The following SPHKAP variants were observed in gnomAD, a reference collection of about 807,000 sequenced individuals.
SPHKAP encodes A-kinase anchor protein SPHKAP.
Under a neutral mutation model 137.5 loss-of-function variants are expected in SPHKAP, and 67 were observed. The observed-to-expected ratio is 0.49, with a 90% CI of 0.40 to 0.60. SPHKAP has a LOEUF of 0.60. SPHKAP is among the 20% of genes least tolerant of loss of function. The pLI, the probability that SPHKAP is intolerant of heterozygous loss-of-function variation, is 0.00. For synonymous variants in SPHKAP, 813 were observed against 785.3 expected, an observed-to-expected ratio of 1.04 and a Z score of -0.59; for missense variants, 2,097 against 2,069.3, an observed-to-expected ratio of 1.01 and a Z score of -0.26.
intron 5 of SPHKAP, among the ~76,000 whole-genome samples, chr2:228,022,564 C>G (rs952085020): frequency 2.0e-5 from 3 of 151,974 alleles, no homozygotes; most frequent in Admixed American, 2.0e-4. Context: ...TTCAAAGAGA[C>G]AGCTCCCAGG....
At chr2:228,071,331 AT>A (rs764800457) in intron 3 of SPHKAP, among the ~76,000 whole-genome samples, 1 of 152,124 alleles carries the variant, frequency 6.6e-6, no homozygotes, top group African/African-American at 2.4e-5. Context: ...TCATGCAAAT[AT>A]TTTTTGTCAA....
chr2:228,086,117 C>T (rs1196149774), intron 3 of SPHKAP, among the ~76,000 whole-genome samples: 1 of 151,808 alleles, frequency 6.6e-6, no homozygotes, highest in African/African-American at 2.4e-5. Flanking sequence ...TCTGGAGTGA[C>T]AGTATGAAGA....
At chr2:228,119,473 T>TACACACACACACACACACACACA (rs1698839856) in intron 2 of SPHKAP, among the ~76,000 whole-genome samples, 1 of 141,900 alleles carries the variant, frequency 7.0e-6, no homozygotes, top group East Asian at 2.1e-4. Flanking sequence ...ACACACACAC[T>TACACACACACACACACACACACA]CTCTCTCTCT....
chr2:228,035,107 G>A (rs13397092), intron 3 of SPHKAP, among the ~76,000 whole-genome samples: 1 of 144,882 alleles, frequency 6.9e-6, no homozygotes, highest in African/African-American at 2.6e-5. Context: ...GTTTGCAGAT[G>A]ACATGATTGT....
intron 2 of SPHKAP, among the ~76,000 whole-genome samples, chr2:228,116,445 C>A (rs976293955): frequency 3.3e-5 from 5 of 152,162 alleles, no homozygotes; most frequent in Admixed American, 3.3e-4. Flanking sequence ...AGTGAGGAAT[C>A]TTTTGCAGAC....
chr2:228,016,389 T>G lies in SPHKAP; in HGVS notation c.4448+17A>C. ...CCAGTCACATGCACCCTATGTAGTC[T>G]GAGACGATTCACTCACCTATGGATT... On this transcript the variant is annotated intron_variant, in intron 7 of 11. Coordinates refer to ENST00000392056, the MANE Select transcript of SPHKAP (RefSeq NM_001142644.2). The G allele has an allele frequency of 2.6e-6, 4 of 1,561,866 alleles. No individual in the cohort carries two copies. Among genetic ancestry groups the G allele is most frequent in the Non-Finnish European group, 2.6e-6 (3 of 1,159,260 alleles).
intron 3 of SPHKAP, among the ~76,000 whole-genome samples, chr2:228,087,972 A>G (rs1697591359): frequency 6.6e-6 from 1 of 152,328 alleles, no homozygotes; most frequent in Non-Finnish European, 1.5e-5. Context: ...AAGAATATGC[A>G]TAAGTTGTAT....
intron 3 of SPHKAP, among the ~76,000 whole-genome samples, chr2:228,061,521 C>T (rs1696632204): frequency 6.6e-6 from 1 of 152,094 alleles, no homozygotes; most frequent in Non-Finnish European, 1.5e-5. Flanking sequence ...ATCTGCCTGT[C>T]TTGGCCTCCC....
chr2:228,134,261 G>T (rs558782746), intron 1 of SPHKAP, among the ~76,000 whole-genome samples: 84 of 151,092 alleles, frequency 5.6e-4, no homozygotes, highest in African/African-American at 2.0e-3. Context: ...AGGAAGGAAA[G>T]AAATAAAGAA....
At chr2:228,158,365 C>T (rs1442212992) in intron 1 of SPHKAP, among the ~76,000 whole-genome samples, 3 of 127,514 alleles carry the variant, frequency 2.4e-5, no homozygotes, top group Non-Finnish European at 4.8e-5. Context: ...TGTGATTTTA[C>T]CCCTTACAAT....
chr2:228,043,791 A>T (rs568785039), intron 3 of SPHKAP, among the ~76,000 whole-genome samples: 68 of 152,016 alleles, frequency 4.5e-4, no homozygotes, highest in African/African-American at 1.6e-3. Flanking sequence ...GTAGAATTTT[A>T]TGTTTTAACT....
chr2:228,119,119 G>A (rs898362869), intron 2 of SPHKAP, among the ~76,000 whole-genome samples: 3 of 152,110 alleles, frequency 2.0e-5, no homozygotes, highest in African/African-American at 7.2e-5. Flanking sequence ...CACTCCCATC[G>A]GAGGGCAGAG....
At chr2:228,073,473 C>A (rs1697068505) in intron 3 of SPHKAP, among the ~76,000 whole-genome samples, 1 of 152,160 alleles carries the variant, frequency 6.6e-6, no homozygotes, top group African/African-American at 2.4e-5. Flanking sequence ...ATGGAGGAAT[C>A]TTTCCACCTC....
intron 1 of SPHKAP, among the ~76,000 whole-genome samples, chr2:228,133,306 CAAATAAATAAATAAATAAAT>C (rs61240096): frequency 0.35 from 51,660 of 148,370 alleles, 9,142 homozygotes; most frequent in East Asian, 0.51. Context: ...GACTCCATCT[CAAATAAATAAATAAATAAAT>C]AAATAAATAA....
intron 3 of SPHKAP, among the ~76,000 whole-genome samples, chr2:228,033,676 T>A (rs1357272015): frequency 6.6e-6 from 1 of 152,120 alleles, no homozygotes; most frequent in African/African-American, 2.4e-5. Flanking sequence ...TATAACAAAC[T>A]TTCTCTCAGA....
chr2:228,086,276 A>G (rs959941300), intron 3 of SPHKAP, among the ~76,000 whole-genome samples: 1 of 152,184 alleles, frequency 6.6e-6, no homozygotes, highest in African/African-American at 2.4e-5. Flanking sequence ...ACTCCGCTAG[A>G]AGAGATAGTC....
intron 8 of SPHKAP, 42 bp from the exon 9 acceptor site, chr2:227,993,662 C>T (rs1693508520): frequency 6.7e-7 from 1 of 1,485,062 alleles, no homozygotes; most frequent in Non-Finnish European, 9.2e-7. Context: ...CGTCTCCACC[C>T]TCTAACATGC....
chr2:228,174,071 C>A (rs953823685), intron 1 of SPHKAP, among the ~76,000 whole-genome samples: 1 of 152,150 alleles, frequency 6.6e-6, no homozygotes, highest in Admixed American at 6.5e-5. Context: ...GAATTCTTAG[C>A]TCTATTGGGA....
intron 3 of SPHKAP, among the ~76,000 whole-genome samples, chr2:228,075,250 T>C (rs1282212885): frequency 1.3e-5 from 2 of 152,230 alleles, no homozygotes; most frequent in East Asian, 1.9e-4. Flanking sequence ...TTTTAGCACA[T>C]TGTCTTTTGG....
Sources: allele counts gnomAD v4.1 joint callset (sites outside exome capture counted in the v4.1 genomes callset), GRCh38; gene constraint gnomAD v4.1.1; transcripts MANE v1.5; gene names NCBI Gene and HGNC (gene_info 2026-07-23, HGNC 2026-07-21).